Variants in GALNT13 observed in about 807,000 individuals in gnomAD.
GALNT13 encodes the protein UDP-GalNAc:polypeptide N-acetylgalactosaminyltransferase 13.
Under a neutral mutation model 64.2 loss-of-function variants are expected in GALNT13, and 28 were observed. The ratio of observed to expected loss-of-function variants is 0.44; its 90% CI spans 0.32 to 0.60. GALNT13 has a LOEUF of 0.60. Ranked by LOEUF, GALNT13 falls within the 20% of genes least tolerant of loss-of-function variation. The probability of loss-of-function intolerance (pLI) is 0.05; values close to 1 mark genes in which losing one functional copy is unlikely to be tolerated. For missense variants in GALNT13, 577 were observed against 669.8 expected, an observed-to-expected ratio of 0.86 and a Z score of 1.53; for synonymous variants, 214 against 224.6, an observed-to-expected ratio of 0.95 and a Z score of 0.42.
the GALNT13 span, among the ~76,000 whole-genome samples, chr2:153,780,059 C>T: frequency 6.6e-6 from 1 of 151,760 alleles, no homozygotes; most frequent in African/African-American, 2.4e-5. Context: ...GAACTGCCTT[C>T]TTATCTCAGT....
the GALNT13 span, among the ~76,000 whole-genome samples, chr2:153,401,985 G>T: frequency 1.4e-3 from 210 of 146,366 alleles, 1 homozygote; most frequent in African/African-American, 4.0e-3. Context: ...GTTAGCTGGT[G>T]ATTTTGCTCG....
At chr2:153,277,927 C>CTTTTTTTTTTTTTTTTTTTTTTT in the GALNT13 span, among the ~76,000 whole-genome samples, 82 of 80,100 alleles carry the variant, frequency 1.0e-3, 6 homozygotes, top group Non-Finnish European at 1.4e-3. Flanking sequence ...TCTTTTCTTT[C>CTTTTTTTTTTTTTTTTTTTTTTT]TTTTTTTTTT....
chr2:153,706,000 A>T, the GALNT13 span, among the ~76,000 whole-genome samples: 8 of 151,730 alleles, frequency 5.3e-5, no homozygotes, highest in East Asian at 5.8e-4. Context: ...ATATATATAT[A>T]TATTTTCTTT....
intron 9 of GALNT13, among the ~76,000 whole-genome samples, chr2:154,389,060 C>T (rs144269268): frequency 2.8e-4 from 43 of 152,144 alleles, no homozygotes; most frequent in African/African-American, 9.2e-4. Flanking sequence ...TATTTTAATA[C>T]GAGAGTTGTA....
At chr2:153,400,049 C>T in the GALNT13 span, among the ~76,000 whole-genome samples, 66 of 151,410 alleles carry the variant, frequency 4.4e-4, no homozygotes, top group African/African-American at 1.5e-3. Context: ...CAGTATGATA[C>T]TGGCTGTGGG....
At chr2:153,162,471 T>C in the GALNT13 span, among the ~76,000 whole-genome samples, 1 of 152,054 alleles carries the variant, frequency 6.6e-6, no homozygotes, top group Non-Finnish European at 1.5e-5. Context: ...TCCCCGAAAC[T>C]CTGTAGGGCT....
At chr2:153,635,439 T>C in the GALNT13 span, among the ~76,000 whole-genome samples, 1 of 145,864 alleles carries the variant, frequency 6.9e-6, no homozygotes, top group African/African-American at 2.5e-5. Flanking sequence ...TATATATATA[T>C]ACACACATAT....
the GALNT13 span, among the ~76,000 whole-genome samples, chr2:153,719,725 T>C: frequency 2.0e-5 from 3 of 151,764 alleles, no homozygotes; most frequent in Non-Finnish European, 4.4e-5. Context: ...ATCGGGTCAC[T>C]CCCACCCGAA....
chr2:153,302,668 A>G, the GALNT13 span, among the ~76,000 whole-genome samples: 1 of 152,170 alleles, frequency 6.6e-6, no homozygotes, highest in Non-Finnish European at 1.5e-5. Context: ...GTTTTCTTCT[A>G]GTAGTTTTAC....
At chr2:154,093,182 T>G (rs962785109) in intron 3 of GALNT13, among the ~76,000 whole-genome samples, 9 of 151,864 alleles carry the variant, frequency 5.9e-5, no homozygotes, top group Non-Finnish European at 8.8e-5. Context: ...AGGTAGTAAA[T>G]GGTGAATATT....
chr2:154,337,867 G>A (rs1695543573), intron 9 of GALNT13, among the ~76,000 whole-genome samples: 1 of 151,934 alleles, frequency 6.6e-6, no homozygotes, highest in Non-Finnish European at 1.5e-5. Flanking sequence ...GTCGGTGGTT[G>A]GAGAGAAAGC....
chr2:153,613,331 T>A, the GALNT13 span, among the ~76,000 whole-genome samples: 1 of 152,180 alleles, frequency 6.6e-6, no homozygotes, highest in Non-Finnish European at 1.5e-5. Flanking sequence ...TTATAGACAC[T>A]TTTGCTGTAA....
At chr2:154,217,867 T>C (rs1573897719) in intron 4 of GALNT13, among the ~76,000 whole-genome samples, 1 of 152,134 alleles carries the variant, frequency 6.6e-6, no homozygotes, top group African/African-American at 2.4e-5. Flanking sequence ...AGAATTTATA[T>C]GCACTTAATC....
chr2:154,446,672 G>A (rs1448091480), intron 12 of GALNT13: 8 of 1,548,226 alleles, frequency 5.2e-6, no homozygotes, highest in Non-Finnish European at 7.0e-6. Context: ...ATAGCACTTT[G>A]CAAAAATGGC....
the GALNT13 span, among the ~76,000 whole-genome samples, chr2:153,554,996 A>G: frequency 6.6e-6 from 1 of 152,290 alleles, no homozygotes; most frequent in East Asian, 1.9e-4. Context: ...TATATCACCT[A>G]GCACATAATA....
At chr2:153,695,390 A>T in the GALNT13 span, among the ~76,000 whole-genome samples, 109 of 152,298 alleles carry the variant, frequency 7.2e-4, no homozygotes, top group Non-Finnish European at 1.3e-3. Context: ...GGCCTTTCTA[A>T]ATGTAAGTCT....
the GALNT13 span, among the ~76,000 whole-genome samples, chr2:153,509,220 C>G: frequency 6.6e-6 from 1 of 152,206 alleles, no homozygotes; most frequent in African/African-American, 2.4e-5. Context: ...CTTCCAGGGT[C>G]CCTGAGAGTG....
the GALNT13 span, among the ~76,000 whole-genome samples, chr2:153,635,616 CA>C: frequency 6.6e-6 from 1 of 151,914 alleles, no homozygotes; most frequent in South Asian, 2.1e-4. Flanking sequence ...ATGAATTCTG[CA>C]GAGTTGAAGA....
intron 7 of GALNT13, among the ~76,000 whole-genome samples, chr2:154,255,366 A>C (rs1323304724): frequency 6.6e-6 from 1 of 152,180 alleles, no homozygotes; most frequent in Non-Finnish European, 1.5e-5. Context: ...CAGGGAAGGG[A>C]ATAGAAAATA....
Sources: gnomAD v4.1 joint callset for allele counts (sites outside exome capture counted in the v4.1 genomes callset) on GRCh38, gnomAD v4.1.1 for gene constraint, MANE v1.5 for transcripts, NCBI Gene and HGNC (gene_info 2026-07-23, HGNC 2026-07-21) for gene names.